Variants in TBC1D9 observed in about 807,000 individuals in gnomAD.
TBC1D9 encodes TBC1 domain family member 9, also known as TBC1 domain family member 9A.
A neutral mutation model predicts 132.0 loss-of-function variants in TBC1D9; 63 were observed. The observed-to-expected ratio is 0.48, with a 90% CI of 0.39 to 0.59. TBC1D9 has a LOEUF of 0.59. Ranked by LOEUF, TBC1D9 falls within the 20% of genes least tolerant of loss-of-function variation. The pLI is 0.00. For synonymous variants in TBC1D9, 610 were observed against 609.9 expected (o/e 1.00, Z 0.00); for missense variants, 1,261 against 1,592.7 (o/e 0.79, Z 3.54).
chr4:140,655,311 T>G (rs1307685971), intron 13 of TBC1D9, among the ~76,000 whole-genome samples: 1 of 152,222 alleles, frequency 6.6e-6, no homozygotes, highest in Non-Finnish European at 1.5e-5. Context: ...TTACCAGTCT[T>G]TCTCTTATTA....
At chr4:140,720,163 T>A (rs956502625) in intron 1 of TBC1D9, among the ~76,000 whole-genome samples, 9 of 152,138 alleles carry the variant, frequency 5.9e-5, no homozygotes, top group African/African-American at 2.2e-4. Context: ...GCACATGGGA[T>A]GTGTGGGGAG....
chr4:140,679,500 T>G (rs1416069935), intron 4 of TBC1D9, 115 bp downstream of exon 4: 3 of 784,062 alleles, frequency 3.8e-6, no homozygotes, highest in Non-Finnish European at 4.0e-6. Flanking sequence ...AAAAAATTAG[T>G]ATTGACTTAG....
chr4:140,738,274 A>T (rs562641274), intron 1 of TBC1D9, among the ~76,000 whole-genome samples: 20 of 152,316 alleles, frequency 1.3e-4, no homozygotes, highest in African/African-American at 4.8e-4. Context: ...TTTTGTTCCC[A>T]AACAGATAGC....
At chr4:140,737,446 C>G (rs1016233687) in intron 1 of TBC1D9, among the ~76,000 whole-genome samples, 7 of 148,588 alleles carry the variant, frequency 4.7e-5, no homozygotes, top group East Asian at 4.1e-4. Context: ...TTCTCTCTCT[C>G]TCTCTCTCTC....
intron 1 of TBC1D9, among the ~76,000 whole-genome samples, chr4:140,718,610 T>C (rs1339007873): frequency 6.6e-6 from 1 of 152,206 alleles, no homozygotes; most frequent in Non-Finnish European, 1.5e-5. Context: ...TTTCAAATAA[T>C]TTCCAGAAGA....
chr4:140,669,070 G>A lies in TBC1D9; in HGVS notation c.1438-3C>T, dbSNP rs145190344. 2.1e-4 allele frequency: 339 copies of A among 1,613,858 alleles called. 1 individual carries two copies. The African/African-American group carries it at 3.9e-3, about 19-fold the overall frequency. On this transcript the variant is annotated splice_polypyrimidine_tract_variant and splice_region_variant and intron_variant, in intron 8 of 20. Coordinates refer to ENST00000442267, the MANE Select transcript of TBC1D9 (RefSeq NM_015130.3). ...TGCTCTTTCAGAAACTCTTTGGCCT[G>A]AAAGGGATAATGAAACATTATGACA... is the stretch of plus-strand genomic sequence containing the variant.
At chr4:140,714,931 G>C (rs1294587494) in intron 1 of TBC1D9, among the ~76,000 whole-genome samples, 1 of 152,138 alleles carries the variant, frequency 6.6e-6, no homozygotes, top group African/African-American at 2.4e-5. Flanking sequence ...GACCAGCTCG[G>C]GCAACACAGT....
intron 1 of TBC1D9, among the ~76,000 whole-genome samples, chr4:140,749,324 C>G (rs1352440933): frequency 6.6e-6 from 1 of 152,028 alleles, no homozygotes; most frequent in African/African-American, 2.4e-5. Context: ...TATAAAACTT[C>G]TAGCTAATAG....
chr4:140,678,919 G>T (rs1340058262), intron 5 of TBC1D9, 23 bp downstream of exon 5: 1 of 1,608,442 alleles, frequency 6.2e-7, no homozygotes, highest in Non-Finnish European at 8.5e-7. Context: ...AAGTCTGGAA[G>T]ATACAAGGTC....
chr4:140,717,191 T>C (rs956955096), intron 1 of TBC1D9, among the ~76,000 whole-genome samples: 7 of 152,322 alleles, frequency 4.6e-5, no homozygotes, highest in Admixed American at 1.3e-4. Context: ...CATAATCCTT[T>C]AGAGAATCAA....
intron 16 of TBC1D9, among the ~76,000 whole-genome samples, chr4:140,631,316 G>C (rs553939442): frequency 6.6e-6 from 1 of 151,962 alleles, no homozygotes; most frequent in East Asian, 1.9e-4. Flanking sequence ...TCTGCCTCCC[G>C]GGTTCAAGCG....
In TBC1D9 at chr4:140,645,058, C is replaced by G. The variant is rs143738368; in HGVS notation, c.2338-5630G>C. The G allele has an allele frequency of 3.9e-3, 1,926 of 495,262 alleles. 3 individuals carry two copies. Among genetic ancestry groups the G allele is most frequent in the Non-Finnish European group, 5.7e-3 (1,425 of 248,652 alleles). The allele number at this position is 495,262 out of a possible 1,614,324, so 30.7% of individuals were successfully genotyped here. A position where few individuals can be genotyped will look rare whatever the true frequency, so the allele number is the denominator to read the frequency against. On this transcript the variant is annotated intron_variant, in intron 13 of 20. Coordinates refer to ENST00000442267, the MANE Select transcript of TBC1D9 (RefSeq NM_015130.3). The stretch of plus-strand genomic sequence containing the variant: ...GTTGCGGGGTCCACAGACCAGCAAC[C>G]GGAGCCTGCCAGCACTGGGCCCCAG...
At chr4:140,720,360 A>G (rs1578855421) in intron 1 of TBC1D9, among the ~76,000 whole-genome samples, 1 of 152,256 alleles carries the variant, frequency 6.6e-6, no homozygotes, top group East Asian at 1.9e-4. Flanking sequence ...TAGTTAGGAA[A>G]GAGACAACAG....
intron 18 of TBC1D9, 121 bp from the exon 19 acceptor site, chr4:140,624,509 A>G: frequency 1.3e-6 from 1 of 767,600 alleles, no homozygotes; most frequent in South Asian, 1.9e-5. Flanking sequence ...GCAAACAAAC[A>G]AACAAAAAAA....
intron 13 of TBC1D9, chr4:140,643,282 C>T: frequency 2.3e-6 from 3 of 1,301,730 alleles, no homozygotes; most frequent in East Asian, 2.5e-5. Context: ...AGGGTGATGC[C>T]GTGCAGAAAG....
intron 13 of TBC1D9, chr4:140,641,995 G>T: frequency 1.7e-6 from 1 of 602,050 alleles, no homozygotes. Flanking sequence ...GCTGAAGGAG[G>T]AATGCACCTT....
chr4:140,647,825 G>A (rs557662697), intron 13 of TBC1D9, among the ~76,000 whole-genome samples: 31 of 152,242 alleles, frequency 2.0e-4, no homozygotes, highest in Admixed American at 7.2e-4. Context: ...AATGTAAACC[G>A]TGGACTCCAA....
intron 1 of TBC1D9, 39 bp downstream of exon 1, chr4:140,755,877 C>A: frequency 6.7e-7 from 1 of 1,501,658 alleles, no homozygotes; most frequent in South Asian, 1.2e-5. Flanking sequence ...CCGCAGCGCT[C>A]CCGGCTCCCC....
chr4:140,755,884 C>G (rs1739004782), intron 1 of TBC1D9, 32 bp downstream of exon 1: 8 of 1,504,766 alleles, frequency 5.3e-6, no homozygotes, highest in Non-Finnish European at 7.1e-6. Context: ...GCTCCCGGCT[C>G]CCCTCCTGCA....
Sources: allele counts gnomAD v4.1 joint callset (sites outside exome capture counted in the v4.1 genomes callset), GRCh38; gene constraint gnomAD v4.1.1; transcripts MANE v1.5; gene names NCBI Gene and HGNC (gene_info 2026-07-23, HGNC 2026-07-21).